The following SDK1 variants were observed in gnomAD, a reference collection of about 807,000 sequenced individuals.
SDK1 encodes sidekick cell adhesion molecule 1, also known as protein sidekick-1.
A neutral mutation model predicts 245.5 loss-of-function variants in SDK1; 157 were observed. That is an observed-to-expected ratio of 0.64 (90% confidence interval 0.56 to 0.73). SDK1 has a LOEUF of 0.73. Ranked by LOEUF, SDK1 falls within the 30% of genes least tolerant of loss-of-function variation. The probability of loss-of-function intolerance (pLI) is 0.00; values close to 1 mark genes in which losing one functional copy is unlikely to be tolerated. For synonymous variants in SDK1, 1,647 were observed against 1,278.5 expected, an observed-to-expected ratio of 1.29 and a Z score of -6.15; for missense variants, 3,583 against 3,002.3, an observed-to-expected ratio of 1.19 and a Z score of -4.52.
intron 1 of SDK1, among the ~76,000 whole-genome samples, chr7:3,417,951 C>G (rs1169823742): frequency 6.6e-6 from 1 of 151,984 alleles, no homozygotes; most frequent in Admixed American, 6.6e-5. Context: ...GACTTAATTA[C>G]TCATTTACGC....
intron 4 of SDK1, among the ~76,000 whole-genome samples, chr7:3,794,223 A>T (rs1406707122): frequency 1.3e-5 from 2 of 152,166 alleles, no homozygotes; most frequent in Non-Finnish European, 2.9e-5. Flanking sequence ...GGTGTAAAAG[A>T]TCAGCAGCAT....
intron 20 of SDK1, among the ~76,000 whole-genome samples, chr7:4,073,921 G>A (rs948153169): frequency 1.3e-5 from 2 of 152,150 alleles, no homozygotes; most frequent in Non-Finnish European, 2.9e-5. Context: ...ATCCCCTAGT[G>A]CTCAGGCCCC....
rs116148446 is a variant in SDK1, at chr7:3,464,529, C to A, written c.299-154551C>A. 3.8e-3 allele frequency among the ~76,000 whole-genome samples: 586 copies of A among 152,252 alleles called. 4 individuals carry two copies. The highest frequency in any genetic ancestry group is 0.013 in the African/African-American group (558 of 41,550). ...GAGTGAGACCCTGTCTCTAAAAATA[C>A]AAAGGTATTAAAGTTAACACTTGAA... On this transcript the variant is annotated intron_variant, in intron 1 of 44. Coordinates refer to ENST00000404826, the MANE Select transcript of SDK1 (RefSeq NM_152744.4).
intron 35 of SDK1, among the ~76,000 whole-genome samples, chr7:4,189,360 A>G (rs1783061773): frequency 6.6e-6 from 1 of 152,194 alleles, no homozygotes; most frequent in Non-Finnish European, 1.5e-5. Flanking sequence ...TTACTCAGGC[A>G]TGTTAAATAT....
At chr7:3,990,444 G>A (rs570868199) in intron 14 of SDK1, among the ~76,000 whole-genome samples, 11 of 152,334 alleles carry the variant, frequency 7.2e-5, no homozygotes, top group Admixed American at 4.6e-4. Flanking sequence ...CTGACCGAAC[G>A]GGGAAGGCCA....
Position 3,467,378 on chromosome 7 carries a change from G to T in SDK1, c.299-151702G>T, listed in dbSNP as rs539761520. On this transcript the variant is annotated intron_variant, in intron 1 of 44. Coordinates refer to ENST00000404826, the MANE Select transcript of SDK1 (RefSeq NM_152744.4). ...CACTCATGAACATTAAAGAATTGTT[G>T]CCCACTGTACTTTTGGTATATGTAG... Among the ~76,000 whole-genome samples, 4 of 151,950 alleles carry T rather than the reference G, an allele frequency of 2.6e-5. No homozygotes were observed. In the East Asian group the frequency reaches 7.7e-4, roughly 29 times the overall value.
intron 32 of SDK1, among the ~76,000 whole-genome samples, chr7:4,170,993 C>T (rs1453951066): frequency 1.3e-5 from 2 of 152,214 alleles, no homozygotes. Flanking sequence ...TATCCAGCCT[C>T]GACTGTGCCT....
chr7:3,615,622 A>C (rs1781741796), intron 1 of SDK1, among the ~76,000 whole-genome samples: 1 of 151,712 alleles, frequency 6.6e-6, no homozygotes, highest in African/African-American at 2.4e-5. Flanking sequence ...GCATCAGTGC[A>C]TGTTTATTGA....
chr7:3,846,828 A>C (rs1285563737), intron 5 of SDK1, among the ~76,000 whole-genome samples: 1 of 151,988 alleles, frequency 6.6e-6, no homozygotes, highest in Non-Finnish European at 1.5e-5. Context: ...GAGGGGCAGC[A>C]GCAGCCCTCT....
At chr7:3,618,653 T>A (rs1471167764) in intron 1 of SDK1, among the ~76,000 whole-genome samples, 1 of 152,224 alleles carries the variant, frequency 6.6e-6, no homozygotes, top group African/African-American at 2.4e-5. Context: ...TGTATGTCAA[T>A]CTTGCTTATC....
intron 1 of SDK1, among the ~76,000 whole-genome samples, chr7:3,428,099 A>G (rs923539882): frequency 2.0e-5 from 3 of 152,220 alleles, no homozygotes; most frequent in African/African-American, 7.2e-5. Context: ...TGGTGGCAGC[A>G]CAACTATATG....
intron 35 of SDK1, among the ~76,000 whole-genome samples, chr7:4,188,516 A>G (rs909332976): frequency 8.5e-5 from 13 of 152,128 alleles, no homozygotes; most frequent in African/African-American, 2.2e-4. Context: ...GATCATGTCT[A>G]TGGCAAATAC....
chr7:3,764,155 A>G (rs535544170), intron 4 of SDK1, among the ~76,000 whole-genome samples: 2 of 152,220 alleles, frequency 1.3e-5, no homozygotes, highest in Admixed American at 1.3e-4. Flanking sequence ...TCCCTTTTCT[A>G]TCTCATTCTG....
intron 5 of SDK1, among the ~76,000 whole-genome samples, chr7:3,865,385 C>G (rs558690483): frequency 6.6e-6 from 1 of 152,140 alleles, no homozygotes; most frequent in Non-Finnish European, 1.5e-5. Flanking sequence ...GGAGTAAGAC[C>G]GACAGACTCA....
At chr7:3,676,322 CTT>C (rs3086109) in intron 4 of SDK1, among the ~76,000 whole-genome samples, 38 of 133,336 alleles carry the variant, frequency 2.8e-4, no homozygotes, top group African/African-American at 9.2e-4. Context: ...TCTTCTAGTA[CTT>C]TTTTTTTTTT....
intron 5 of SDK1, among the ~76,000 whole-genome samples, chr7:3,826,150 C>G (rs1049150965): frequency 6.6e-6 from 1 of 152,170 alleles, no homozygotes; most frequent in Non-Finnish European, 1.5e-5. Flanking sequence ...TAAGTCTAGG[C>G]CATGGTCCCT....
chr7:3,479,795 G>T (rs902384923), intron 1 of SDK1, among the ~76,000 whole-genome samples: 3 of 151,816 alleles, frequency 2.0e-5, no homozygotes, highest in Admixed American at 6.6e-5. Flanking sequence ...CTGGGAGGCA[G>T]AGGTTGAAGT....
chr7:3,926,206 T>A (rs1017913013), intron 5 of SDK1, among the ~76,000 whole-genome samples: 11 of 152,118 alleles, frequency 7.2e-5, no homozygotes, highest in African/African-American at 2.7e-4. Flanking sequence ...AGCCTCTAGA[T>A]GGTACAGACA....
intron 1 of SDK1, among the ~76,000 whole-genome samples, chr7:3,573,507 G>A (rs1780182260): frequency 6.6e-6 from 1 of 152,090 alleles, no homozygotes; most frequent in Non-Finnish European, 1.5e-5. Context: ...AGATGCAGCT[G>A]CCCCCTGAGA....
Sources: gnomAD v4.1 joint callset for allele counts (sites outside exome capture counted in the v4.1 genomes callset) on GRCh38, gnomAD v4.1.1 for gene constraint, MANE v1.5 for transcripts, NCBI Gene and HGNC (gene_info 2026-07-23, HGNC 2026-07-21) for gene names.